Variants in ARHGAP15 observed in about 807,000 individuals in gnomAD.
ARHGAP15 encodes the protein Rho GTPase activating protein 15, also known as rho GTPase-activating protein 15.
Under a neutral mutation model 63.7 loss-of-function variants are expected in ARHGAP15, and 51 were observed. That is an observed-to-expected ratio of 0.80 (90% CI 0.64 to 1.01). The LOEUF (loss-of-function observed/expected upper bound fraction) is 1.01. Ranked by LOEUF, ARHGAP15 falls within the 50% of genes least tolerant of loss-of-function variation. The pLI is 0.00. For synonymous variants in ARHGAP15, 191 were observed against 193.8 expected, an observed-to-expected ratio of 0.99 and a Z score of 0.12; for missense variants, 560 against 564.6, an observed-to-expected ratio of 0.99 and a Z score of 0.08.
At chr2:143,315,922 T>A (rs1350283770) in intron 6 of ARHGAP15, among the ~76,000 whole-genome samples, 1 of 151,834 alleles carries the variant, frequency 6.6e-6, no homozygotes, top group Non-Finnish European at 1.5e-5. Context: ...GCGTCTGTAC[T>A]AAAAATACAA....
chr2:143,504,978 AT>A (rs1405397002), intron 9 of ARHGAP15, among the ~76,000 whole-genome samples: 1 of 152,116 alleles, frequency 6.6e-6, no homozygotes, highest in Non-Finnish European at 1.5e-5. Flanking sequence ...GGTGCACCTG[AT>A]TTTTTAGGGC....
intron 12 of ARHGAP15, among the ~76,000 whole-genome samples, chr2:143,678,024 A>G (rs1682913362): frequency 6.6e-6 from 1 of 152,184 alleles, no homozygotes; most frequent in Non-Finnish European, 1.5e-5. Context: ...CCTGGGCCAC[A>G]TGGCAAAACC....
At chr2:143,430,955 G>A (rs1176481210) in intron 6 of ARHGAP15, among the ~76,000 whole-genome samples, 3 of 151,968 alleles carry the variant, frequency 2.0e-5, no homozygotes, top group Admixed American at 6.6e-5. Context: ...ATCAAAATGC[G>A]AAAGGTATTT....
intron 2 of ARHGAP15, among the ~76,000 whole-genome samples, chr2:143,159,654 A>G (rs1690215550): frequency 6.6e-6 from 1 of 151,942 alleles, no homozygotes. Flanking sequence ...ATATGTGAAA[A>G]CCATTGATCA....
chr2:143,661,935 G>T (rs1025306521), intron 12 of ARHGAP15, among the ~76,000 whole-genome samples: 2 of 152,122 alleles, frequency 1.3e-5, no homozygotes, highest in African/African-American at 4.8e-5. Flanking sequence ...ACAGAGTCTC[G>T]CTGATTGCTA....
At chr2:143,291,569 C>T (rs1024899110) in intron 6 of ARHGAP15, among the ~76,000 whole-genome samples, 2 of 152,074 alleles carry the variant, frequency 1.3e-5, no homozygotes, top group African/African-American at 2.4e-5. Context: ...CAGGTGGGTT[C>T]TCTTCAGAGA....
At chr2:143,690,996 C>T (rs1683573603) in intron 12 of ARHGAP15, among the ~76,000 whole-genome samples, 1 of 152,066 alleles carries the variant, frequency 6.6e-6, no homozygotes, top group East Asian at 1.9e-4. Context: ...AACTGATTAG[C>T]AAATGAAATT....
chr2:143,733,003 C>T (rs1199798452), intron 13 of ARHGAP15, among the ~76,000 whole-genome samples: 1 of 145,196 alleles, frequency 6.9e-6, no homozygotes, highest in African/African-American at 2.6e-5. Flanking sequence ...GAGAGGGAGG[C>T]TGGGAGCCAC....
At chr2:143,171,051 G>A (rs906074514) in intron 2 of ARHGAP15, among the ~76,000 whole-genome samples, 1 of 152,038 alleles carries the variant, frequency 6.6e-6, no homozygotes, top group Non-Finnish European at 1.5e-5. Context: ...AAGACACAGA[G>A]AGGGCAAAAA....
chr2:143,273,340 G>A (rs992945650), intron 6 of ARHGAP15, among the ~76,000 whole-genome samples: 3 of 152,052 alleles, frequency 2.0e-5, no homozygotes, highest in African/African-American at 7.2e-5. Flanking sequence ...GATGATGATT[G>A]GTAATAATTA....
chr2:143,720,909 C>A (rs1685024138), intron 13 of ARHGAP15, among the ~76,000 whole-genome samples: 3 of 151,464 alleles, frequency 2.0e-5, no homozygotes, highest in Admixed American at 1.3e-4. Flanking sequence ...CTCTACTAAA[C>A]ATACAAAAAA....
intron 8 of ARHGAP15, among the ~76,000 whole-genome samples, chr2:143,437,907 C>T (rs1176112581): frequency 6.6e-6 from 1 of 152,146 alleles, no homozygotes; most frequent in Non-Finnish European, 1.5e-5. Flanking sequence ...GCCTGTAATC[C>T]CAGCTACTCA....
intron 1 of ARHGAP15, among the ~76,000 whole-genome samples, chr2:143,141,221 C>G (rs1689348702): frequency 6.6e-6 from 1 of 152,058 alleles, no homozygotes; most frequent in African/African-American, 2.4e-5. Flanking sequence ...TGGTGGCAAA[C>G]TTGAACATGC....
At chr2:143,519,221 C>A in intron 9 of ARHGAP15, 45 bp from the exon 10 acceptor site, 2 of 1,409,926 alleles carry the variant, frequency 1.4e-6, no homozygotes, top group Non-Finnish European at 2.0e-6. Flanking sequence ...TAAAGAACAA[C>A]GCAAGCTTGG....
chr2:143,705,494 C>T (rs1461169265), intron 13 of ARHGAP15, among the ~76,000 whole-genome samples: 1 of 152,136 alleles, frequency 6.6e-6, no homozygotes, highest in African/African-American at 2.4e-5. Flanking sequence ...TGAGATAATG[C>T]ATATAAAACG....
intron 4 of ARHGAP15, among the ~76,000 whole-genome samples, chr2:143,227,499 A>G (rs1574119266): frequency 6.6e-6 from 1 of 152,316 alleles, no homozygotes; most frequent in East Asian, 1.9e-4. Context: ...TAAATTTATC[A>G]TAAGTGTTAT....
At chr2:143,351,337 C>T (rs1685562425) in intron 6 of ARHGAP15, 1 of 152,096 alleles carries the variant, frequency 6.6e-6, no homozygotes, top group African/African-American at 2.4e-5. Flanking sequence ...CTACTGGGTG[C>T]TTTAATATCA....
chr2:143,639,733 C>T (rs1485434374), intron 12 of ARHGAP15, among the ~76,000 whole-genome samples: 1 of 151,974 alleles, frequency 6.6e-6, no homozygotes, highest in African/African-American at 2.4e-5. Context: ...TCACTTCATC[C>T]CTCATGTCAT....
chr2:143,178,200 C>T (rs1691082941), intron 2 of ARHGAP15, among the ~76,000 whole-genome samples: 1 of 152,182 alleles, frequency 6.6e-6, no homozygotes, highest in Non-Finnish European at 1.5e-5. Context: ...CCATAATTAT[C>T]TATCAATGGT....
Sources: gnomAD v4.1 joint callset for allele counts (sites outside exome capture counted in the v4.1 genomes callset) on GRCh38, gnomAD v4.1.1 for gene constraint, MANE v1.5 for transcripts, NCBI Gene and HGNC (gene_info 2026-07-23, HGNC 2026-07-21) for gene names.